The following CACNA1E variants were observed in gnomAD, a reference collection of about 807,000 sequenced individuals.
CACNA1E encodes the protein calcium voltage-gated channel subunit alpha1 E.
CACNA1E carries 40 observed loss-of-function variants against 259.2 expected under a neutral mutation model. The observed-to-expected ratio is 0.15, with a 90% CI of 0.12 to 0.20. CACNA1E has a LOEUF of 0.20. Ranked by LOEUF, CACNA1E falls within the 10% of genes least tolerant of loss-of-function variation. The pLI is 1.00. For synonymous variants in CACNA1E, 1,104 were observed against 1,138.5 expected, an observed-to-expected ratio of 0.97 and a Z score of 0.61; for missense variants, 1,874 against 3,040.1, an observed-to-expected ratio of 0.62 and a Z score of 9.02.
rs367670697 is a variant in CACNA1E, at chr1:181,604,360, CTCT to C, written c.951+23591_951+23593del. ...TCAATATAACACATAGAACTTTCCC[CTCT>C]TCTTCTGGGCAAGCTTGAGATGGTG... On this transcript the variant is annotated intron_variant, in intron 6 of 47. Transcript: ENST00000367573. Among the ~76,000 whole-genome samples, 34 of 152,260 alleles carry C rather than the reference CTCT, an allele frequency of 2.2e-4. No homozygotes were observed. In the East Asian group the frequency reaches 6.6e-3, roughly 29 times the overall value.
chr1:181,659,171 T>C (rs1572515514), intron 7 of CACNA1E, among the ~76,000 whole-genome samples: 1 of 151,894 alleles, frequency 6.6e-6, no homozygotes, highest in Non-Finnish European at 1.5e-5. Flanking sequence ...GGCTCCTAGG[T>C]TGGGCAAGTG....
chr1:181,391,509 G>T (rs573045064), intron 1 of CACNA1E, among the ~76,000 whole-genome samples: 1 of 152,274 alleles, frequency 6.6e-6, no homozygotes, highest in African/African-American at 2.4e-5. Context: ...CCTGCCTGGG[G>T]GTAGCTGGGA....
intron 18 of CACNA1E, among the ~76,000 whole-genome samples, chr1:181,727,619 C>T (rs1467125890): frequency 6.6e-6 from 1 of 152,148 alleles, no homozygotes; most frequent in Non-Finnish European, 1.5e-5. Context: ...CCCTGCGTGG[C>T]CTGGTCTCTG....
At chr1:181,611,333 G>A (rs1421399973) in intron 6 of CACNA1E, among the ~76,000 whole-genome samples, 1 of 151,850 alleles carries the variant, frequency 6.6e-6, no homozygotes, top group Non-Finnish European at 1.5e-5. Context: ...TAGGTACCAT[G>A]GTGGGCACTG....
chr1:181,410,283 TG>T (rs1410645053), intron 1 of CACNA1E, among the ~76,000 whole-genome samples: 1 of 152,240 alleles, frequency 6.6e-6, no homozygotes, highest in Non-Finnish European at 1.5e-5. Flanking sequence ...TGGCATGATT[TG>T]GAATACATTT....
At chr1:181,676,040 T>A (rs970948459) in intron 7 of CACNA1E, among the ~76,000 whole-genome samples, 1 of 146,612 alleles carries the variant, frequency 6.8e-6, no homozygotes, top group Admixed American at 6.9e-5. Context: ...GTGTGCTGTG[T>A]CACTCTTACC....
chr1:181,796,534 G>C (rs76333943), intron 46 of CACNA1E, 134 bp from the exon 47 acceptor site: 52 of 580,228 alleles, frequency 9.0e-5, no homozygotes, highest in African/African-American at 7.1e-4. Flanking sequence ...TTGAATTTGG[G>C]GGGGGACACA....
intron 6 of CACNA1E, among the ~76,000 whole-genome samples, chr1:181,621,301 A>G (rs1655699922): frequency 6.6e-6 from 1 of 152,240 alleles, no homozygotes; most frequent in African/African-American, 2.4e-5. Context: ...ATATCTTGGC[A>G]ACAATGTGCC....
At chr1:181,424,343 C>T (rs1658995477) in intron 2 of CACNA1E, among the ~76,000 whole-genome samples, 1 of 152,166 alleles carries the variant, frequency 6.6e-6, no homozygotes, top group Admixed American at 6.5e-5. Flanking sequence ...CAGCACACAC[C>T]CTTGAATTTT....
At chr1:181,386,036 C>A (rs961879737) in intron 1 of CACNA1E, among the ~76,000 whole-genome samples, 23 of 152,126 alleles carry the variant, frequency 1.5e-4, no homozygotes, top group Non-Finnish European at 2.5e-4. Flanking sequence ...TGACAATCAA[C>A]AACACAAGGA....
At chr1:181,600,706 G>T (rs1019443220) in intron 6 of CACNA1E, among the ~76,000 whole-genome samples, 2 of 152,160 alleles carry the variant, frequency 1.3e-5, no homozygotes, top group Admixed American at 6.5e-5. Context: ...TGAGCTGGAG[G>T]CATGTTAAAT....
intron 28 of CACNA1E, 80 bp downstream of exon 28, chr1:181,755,477 T>A: frequency 9.3e-7 from 1 of 1,075,648 alleles, no homozygotes; most frequent in South Asian, 1.5e-5. Flanking sequence ...AGGTCCACCC[T>A]CCCTCCTTTC....
At chr1:181,493,380 C>T (rs1469821847) in intron 1 of CACNA1E, among the ~76,000 whole-genome samples, 2 of 152,158 alleles carry the variant, frequency 1.3e-5, no homozygotes, top group African/African-American at 4.8e-5. Context: ...ACATTCTAAC[C>T]AAAGGGCATG....
intron 2 of CACNA1E, among the ~76,000 whole-genome samples, chr1:181,458,672 A>G (rs1312068773): frequency 2.6e-5 from 4 of 152,232 alleles, no homozygotes; most frequent in Non-Finnish European, 5.9e-5. Flanking sequence ...CTATGAATAT[A>G]GAAACTTTTG....
At chr1:181,392,589 C>T (rs1010744656) in intron 1 of CACNA1E, among the ~76,000 whole-genome samples, 1 of 152,180 alleles carries the variant, frequency 6.6e-6, no homozygotes, top group Non-Finnish European at 1.5e-5. Context: ...TGACCAACAT[C>T]TGTGGAAGGG....
intron 1 of CACNA1E, among the ~76,000 whole-genome samples, chr1:181,494,864 C>A (rs1009968681): frequency 6.6e-6 from 1 of 152,124 alleles, no homozygotes; most frequent in Non-Finnish European, 1.5e-5. Context: ...AATCAGGGAC[C>A]CTCTTTCTGC....
intron 1 of CACNA1E, among the ~76,000 whole-genome samples, chr1:181,499,530 A>G (rs1665059445): frequency 1.3e-5 from 2 of 152,186 alleles, no homozygotes; most frequent in African/African-American, 4.8e-5. Context: ...TGGAATAGTT[A>G]CTAAGACTCT....
At chr1:181,502,913 G>T (rs1665380218) in intron 1 of CACNA1E, among the ~76,000 whole-genome samples, 1 of 152,168 alleles carries the variant, frequency 6.6e-6, no homozygotes, top group South Asian at 2.1e-4. Flanking sequence ...TGGCCAGGCT[G>T]GTCTTGAACT....
intron 1 of CACNA1E, among the ~76,000 whole-genome samples, chr1:181,403,381 C>T (rs1237111881): frequency 2.0e-5 from 3 of 151,734 alleles, no homozygotes; most frequent in African/African-American, 7.3e-5. Context: ...TTCTACCCTA[C>T]TGAATTGCAG....
Sources: gnomAD v4.1 joint callset for allele counts (sites outside exome capture counted in the v4.1 genomes callset) on GRCh38, gnomAD v4.1.1 for gene constraint, MANE v1.5 for transcripts, NCBI Gene and HGNC (gene_info 2026-07-23, HGNC 2026-07-21) for gene names.